The following WBP1L variants were observed in gnomAD, a reference collection of about 807,000 sequenced individuals.
WBP1L encodes WW domain binding protein 1 like.
A neutral mutation model predicts 33.7 loss-of-function variants in WBP1L; 17 were observed. The ratio of observed to expected loss-of-function variants is 0.50; its 90% CI spans 0.34 to 0.76. The LOEUF is 0.76. Ranked by LOEUF, WBP1L falls within the 30% of genes least tolerant of loss-of-function variation. The probability of loss-of-function intolerance (pLI) is 0.01; values close to 1 mark genes in which losing one functional copy is unlikely to be tolerated. For missense variants in WBP1L, 389 were observed against 469.4 expected (o/e 0.83, Z 1.58); for synonymous variants, 173 against 190.8 (o/e 0.91, Z 0.77).
chr10:102,813,389 C>A lies in WBP1L; in HGVS notation c.*58C>A, dbSNP rs750678879. ...AAGCAACCAGGGTAGGGGAGAACCA[C>A]GAGAGAAGCATTAAGTGACTTTCAA... On this transcript the variant is annotated 3_prime_UTR_variant, in exon 4 of 4. Transcript: ENST00000448841. 5 of 1,529,510 alleles carry A rather than the reference C, an allele frequency of 3.3e-6. No homozygotes were observed. The allele number at this position is 1,529,510 out of a possible 1,614,324, so 94.7% of individuals were successfully genotyped here. A position where few individuals can be genotyped will look rare whatever the true frequency, so the allele number is the denominator to read the frequency against.
At chr10:102,788,135 C>CTTT (rs1232492409) in intron 1 of WBP1L, among the ~76,000 whole-genome samples, 1 of 133,276 alleles carries the variant, frequency 7.5e-6, no homozygotes, top group Non-Finnish European at 1.6e-5. Flanking sequence ...TTCTTTCTTT[C>CTTT]TTTTTTTTTT....
intron 1 of WBP1L, among the ~76,000 whole-genome samples, chr10:102,788,519 G>T (rs983916116): frequency 6.6e-6 from 1 of 152,118 alleles, no homozygotes; most frequent in African/African-American, 2.4e-5. Flanking sequence ...GCTTGAAAGT[G>T]CTGCATTTTC....
Position 102,762,625 on chromosome 10 carries a change from T to G in WBP1L, c.90+18482T>G, listed in dbSNP as rs546265373. ...ACACACATCCATTTCCAACCTTTGC[T>G]TAGTGGATAAAGTGAAAGATTAACT... On this transcript the variant is annotated intron_variant, in intron 1 of 3. Coordinates refer to ENST00000448841, the MANE Select transcript of WBP1L (RefSeq NM_001083913.2). Among the ~76,000 whole-genome samples, 12 of 152,332 alleles carry G rather than the reference T, an allele frequency of 7.9e-5. No individual in the cohort carries two copies. In the South Asian group the frequency reaches 1.9e-3, roughly 24 times the overall value.
intron 1 of WBP1L, 23 bp downstream of exon 1, chr10:102,744,166 G>C: frequency 6.5e-7 from 1 of 1,540,802 alleles, no homozygotes; most frequent in Non-Finnish European, 8.8e-7. Context: ...GGGCGTCTGG[G>C]CCATGTTGGG....
chr10:102,794,695 G>A (rs2134056019), intron 1 of WBP1L, among the ~76,000 whole-genome samples: 1 of 152,300 alleles, frequency 6.6e-6, no homozygotes, highest in East Asian at 1.9e-4. Flanking sequence ...GCTGCAGTTA[G>A]CTGTGATCAG....
At chr10:102,746,797 G>A (rs1406181439) in intron 1 of WBP1L, among the ~76,000 whole-genome samples, 2 of 152,032 alleles carry the variant, frequency 1.3e-5, no homozygotes, top group East Asian at 3.8e-4. Flanking sequence ...GTACCTTATT[G>A]CATTTCTCCC....
At chr10:102,794,828 C>A (rs1204840039) in intron 1 of WBP1L, among the ~76,000 whole-genome samples, 1 of 152,176 alleles carries the variant, frequency 6.6e-6, no homozygotes, top group Admixed American at 6.5e-5. Flanking sequence ...TATTGACTGA[C>A]ACCAGCATGT....
intron 1 of WBP1L, among the ~76,000 whole-genome samples, chr10:102,749,971 G>A (rs1258848534): frequency 1.3e-5 from 2 of 151,280 alleles, no homozygotes; most frequent in African/African-American, 4.9e-5. Flanking sequence ...TTGTAGATAC[G>A]GGGTTTCACC....
intron 1 of WBP1L, among the ~76,000 whole-genome samples, chr10:102,777,843 G>T (rs1237106434): frequency 6.6e-6 from 1 of 152,172 alleles, no homozygotes; most frequent in East Asian, 1.9e-4. Flanking sequence ...AGGATTACAG[G>T]CGTGAGCCAC....
In WBP1L at chr10:102,813,383, G is replaced by T; in HGVS notation, c.*52G>T. The T allele has an allele frequency of 6.5e-7, 1 of 1,539,042 alleles. No individual in the cohort carries two copies. The highest frequency in any genetic ancestry group is 8.7e-7 in the Non-Finnish European group (1 of 1,145,478). ...TTGGCAAAGCAACCAGGGTAGGGGA[G>T]AACCACGAGAGAAGCATTAAGTGAC... On this transcript the variant is annotated 3_prime_UTR_variant, in exon 4 of 4. Coordinates refer to ENST00000448841, the MANE Select transcript of WBP1L (RefSeq NM_001083913.2).
At chr10:102,770,284 G>A (rs560599783) in intron 1 of WBP1L, among the ~76,000 whole-genome samples, 1 of 151,706 alleles carries the variant, frequency 6.6e-6, no homozygotes, top group Non-Finnish European at 1.5e-5. Flanking sequence ...GCATTTAAAT[G>A]GGTGCGTGCC....
chr10:102,783,632 TCC>T (rs1843368671), intron 1 of WBP1L, among the ~76,000 whole-genome samples: 1 of 152,204 alleles, frequency 6.6e-6, no homozygotes, highest in Non-Finnish European at 1.5e-5. Context: ...GTTTTGCCCT[TCC>T]CCCATAGGGG....
At chr10:102,790,659 C>A (rs575284801) in intron 1 of WBP1L, among the ~76,000 whole-genome samples, 1 of 152,012 alleles carries the variant, frequency 6.6e-6, no homozygotes, top group African/African-American at 2.4e-5. Flanking sequence ...TACAGGCGCC[C>A]GCCACCACGC....
Position 102,813,132 on chromosome 10 carries a change from T to G in WBP1L, c.893T>G (p.Leu298Arg). 1 of 1,614,066 alleles carries G rather than the reference T, an allele frequency of 6.2e-7. No homozygotes were observed. The highest frequency in any genetic ancestry group is 8.5e-7 in the Non-Finnish European group (1 of 1,180,026). ...TTCAACACACTCATCGATGATGCTC[T>G]GGATGGGCCCCTGGACTTCTGCGAC... is the stretch of plus-strand genomic sequence containing the variant. ...KEFNTLIDDALDGPLDFCDSC... is the reference protein window; with the variant it reads ...KEFNTLIDDARDGPLDFCDSC... Residue 298 changes from leucine (L) to arginine (R), a missense_variant, in exon 4 of 4, where the codon CTG (leucine) becomes CGG (arginine). By Grantham distance (102) the Leu-to-Arg change is moderately radical. Coordinates refer to ENST00000448841, the MANE Select transcript of WBP1L (RefSeq NM_001083913.2).
intron 2 of WBP1L, among the ~76,000 whole-genome samples, chr10:102,805,978 A>G (rs1411783822): frequency 1.3e-5 from 2 of 151,344 alleles, no homozygotes; most frequent in Non-Finnish European, 2.9e-5. Flanking sequence ...AGGCGGGCGG[A>G]TCACTTGAGC....
rs780902318 is a variant in WBP1L at position 102,751,076 on chromosome 10, C to T, written c.90+6933C>T. ...AGTGCAGTGGTGTGATCTTGGCTCA[C>T]TGCAACCTCTGCCTCCTGGGTTCAA... On this transcript the variant is annotated intron_variant, in intron 1 of 3. Transcript: ENST00000448841. Among the ~76,000 whole-genome samples, 263 of 151,854 alleles carry T rather than the reference C, an allele frequency of 1.7e-3. 1 individual carries two copies. Among genetic ancestry groups the T allele is most frequent in the Admixed American group, 4.3e-3 (66 of 15,268 alleles).
intron 1 of WBP1L, among the ~76,000 whole-genome samples, chr10:102,784,904 T>G: frequency 6.9e-6 from 1 of 145,670 alleles, no homozygotes. Context: ...GGGGACAGAG[T>G]CTTGCTCTGT....
intron 1 of WBP1L, among the ~76,000 whole-genome samples, chr10:102,790,265 T>C (rs1306749598): frequency 6.6e-6 from 1 of 152,202 alleles, no homozygotes; most frequent in Non-Finnish European, 1.5e-5. Context: ...GAGTTTTTTC[T>C]TTCAATAACT....
chr10:102,809,965 A>G lies in WBP1L; in HGVS notation c.266A>G (p.His89Arg). 6.2e-7 allele frequency: 1 copy of G among 1,613,978 alleles called. No individual in the cohort carries two copies. Among genetic ancestry groups the G allele is most frequent in the Non-Finnish European group, 8.5e-7 (1 of 1,180,008 alleles). Reference protein sequence around the residue: ...CCVCHHRRAKHRLQAQQRQHE... With the variant: ...CCVCHHRRAKRRLQAQQRQHE... ...GTTTGCCACCACCGCCGAGCCAAGC[A>G]CCGCCTTCAGGCCCAGCAGCGGCAA... The change falls in exon 3 of 4, where the codon CAC becomes CGC. Residue 89 changes from histidine to arginine, a missense_variant. Coordinates refer to ENST00000448841, the MANE Select transcript of WBP1L (RefSeq NM_001083913.2).
Sources: gnomAD v4.1 joint callset for allele counts (sites outside exome capture counted in the v4.1 genomes callset) on GRCh38, gnomAD v4.1.1 for gene constraint, MANE v1.5 for transcripts, NCBI Gene and HGNC (gene_info 2026-07-23, HGNC 2026-07-21) for gene names.